The following GCH1 variants were observed in gnomAD, a reference collection of about 807,000 sequenced individuals.
The protein encoded by GCH1 is GTP cyclohydrolase 1, also known as GTP cyclohydrolase I.
In GCH1, 5 loss-of-function variants were observed where a neutral mutation model predicts 25.9. That is an observed-to-expected ratio of 0.19 (90% CI 0.10 to 0.41). GCH1 has a LOEUF of 0.41. Among genes scored for constraint, GCH1 ranks in the 10% least tolerant of loss-of-function variants. GCH1 has a pLI of 1.00. For missense variants in GCH1, 261 were observed against 336.5 expected (o/e 0.78, Z 1.75); for synonymous variants, 159 against 129.6 (o/e 1.23, Z -1.54).
intron 1 of GCH1, among the ~76,000 whole-genome samples, chr14:54,875,557 T>A (rs1433493842): frequency 6.6e-6 from 1 of 151,852 alleles, no homozygotes; most frequent in Admixed American, 6.6e-5. Context: ...TGGGAGAAAA[T>A]TTTTGCAATC....
intron 1 of GCH1, among the ~76,000 whole-genome samples, chr14:54,871,157 A>G (rs2040070481): frequency 6.6e-6 from 1 of 152,194 alleles, no homozygotes; most frequent in African/African-American, 2.4e-5. Flanking sequence ...AAACTTCCAG[A>G]GGAACGATCA....
At chr14:54,874,052 T>C (rs1337851610) in intron 1 of GCH1, among the ~76,000 whole-genome samples, 4 of 152,064 alleles carry the variant, frequency 2.6e-5, no homozygotes, top group African/African-American at 9.7e-5. Context: ...AAAAGAGAAT[T>C]TTAGACCAAT....
chr14:54,849,711 A>G (rs2039696498), intron 3 of GCH1, among the ~76,000 whole-genome samples: 1 of 152,182 alleles, frequency 6.6e-6, no homozygotes, highest in Non-Finnish European at 1.5e-5. Flanking sequence ...TGTTATCTCC[A>G]GGAATTTCAA....
intron 2 of GCH1, among the ~76,000 whole-genome samples, chr14:54,863,636 T>C (rs1480171990): frequency 6.6e-6 from 1 of 151,296 alleles, no homozygotes; most frequent in Non-Finnish European, 1.5e-5. Flanking sequence ...ATGACATCAA[T>C]GAATCCGACT....
Position 54,842,796 on chromosome 14 carries a change from A to G in GCH1, c.*1221T>C, listed in dbSNP as rs572286120. On this transcript the variant is annotated 3_prime_UTR_variant, in exon 6 of 6. Coordinates refer to ENST00000491895, the MANE Select transcript of GCH1 (RefSeq NM_000161.3). ...TTTTAATTTGGCCCACGCTGCCCCA[A>G]TGGAGGAAATTTTAAGATAATCATT... 1.1e-4 allele frequency: 44 copies of G among 404,392 alleles called. No individual in the cohort carries two copies. The highest frequency in any genetic ancestry group is 1.7e-4 in the Non-Finnish European group (39 of 228,708). 25.1% of individuals were successfully genotyped at this position (404,392 alleles called of 1,614,324 possible). A position where few individuals can be genotyped will look rare whatever the true frequency, so the allele number is the denominator to read the frequency against.
At chr14:54,891,013 C>A (rs905610867) in intron 1 of GCH1, among the ~76,000 whole-genome samples, 3 of 152,182 alleles carry the variant, frequency 2.0e-5, no homozygotes, top group Non-Finnish European at 4.4e-5. Context: ...ATCTACAGTT[C>A]CACTTTTCAC....
chr14:54,855,673 G>A (rs999003436), intron 3 of GCH1, among the ~76,000 whole-genome samples: 8 of 151,728 alleles, frequency 5.3e-5, no homozygotes, highest in African/African-American at 9.7e-5. Flanking sequence ...AATTAGCCAG[G>A]CATGGTGGTG....
At chr14:54,877,843 C>T (rs2040185863) in intron 1 of GCH1, among the ~76,000 whole-genome samples, 1 of 152,100 alleles carries the variant, frequency 6.6e-6, no homozygotes, top group Non-Finnish European at 1.5e-5. Context: ...CCCAGACTCC[C>T]GCTGTGGGCC....
intron 3 of GCH1, among the ~76,000 whole-genome samples, chr14:54,854,681 T>C (rs935847829): frequency 2.0e-5 from 3 of 152,090 alleles, no homozygotes; most frequent in African/African-American, 7.2e-5. Flanking sequence ...AAACCAAGAA[T>C]AAAAAGACAA....
chr14:54,891,767 C>A (rs1265153907), intron 1 of GCH1, among the ~76,000 whole-genome samples: 1 of 152,156 alleles, frequency 6.6e-6, no homozygotes, highest in Non-Finnish European at 1.5e-5. Flanking sequence ...AAATCTCCAG[C>A]CCTTCTGCCC....
intron 1 of GCH1, among the ~76,000 whole-genome samples, chr14:54,901,287 A>C (rs951454303): frequency 1.3e-5 from 2 of 152,248 alleles, no homozygotes; most frequent in Admixed American, 6.5e-5. Flanking sequence ...GGGCAAATAA[A>C]TAAATGTCAC....
At chr14:54,863,246 C>A (rs913186033) in intron 2 of GCH1, among the ~76,000 whole-genome samples, 2 of 151,260 alleles carry the variant, frequency 1.3e-5, no homozygotes, top group Non-Finnish European at 2.9e-5. Context: ...CGTGAAACCC[C>A]TTCTCTACTA....
intron 1 of GCH1, among the ~76,000 whole-genome samples, chr14:54,894,910 G>C (rs574384455): frequency 5.6e-4 from 86 of 152,274 alleles, no homozygotes; most frequent in Non-Finnish European, 1.2e-3. Context: ...ATGATGAGAA[G>C]AGCATTTCTA....
chr14:54,896,301 C>T (rs1434174100), intron 1 of GCH1, among the ~76,000 whole-genome samples: 2 of 152,034 alleles, frequency 1.3e-5, no homozygotes, highest in African/African-American at 2.4e-5. Context: ...TGTGCAGAAG[C>T]GTTTATGGAC....
intron 1 of GCH1, among the ~76,000 whole-genome samples, chr14:54,865,761 G>A (rs1282634452): frequency 6.6e-6 from 1 of 152,034 alleles, no homozygotes; most frequent in Non-Finnish European, 1.5e-5. Flanking sequence ...GTAGAAATGG[G>A]CCACTTTCAC....
rs564818912 is a variant in GCH1, at chr14:54,875,971, A to T, written c.344-10535T>A. On this transcript the variant is annotated intron_variant, in intron 1 of 5. Coordinates refer to ENST00000491895, the MANE Select transcript of GCH1 (RefSeq NM_000161.3). ...TCAGGGATCTAGAACTAGAAATACC[A>T]TTTGACCCAGCCATCCCATTATTGG... 1.5e-3 allele frequency among the ~76,000 whole-genome samples: 223 copies of T among 152,326 alleles called. 3 individuals are homozygous for T. The highest frequency in any genetic ancestry group is 2.2e-3 in the Non-Finnish European group (150 of 68,026).
rs1164264674 is a variant in GCH1, at chr14:54,880,833, TATATATATATACTCC to T, written c.344-15412_344-15398del. ...TCCATATATATATATATATACTCCA[TATATATATATACTCC>T]ATATATATATACTCCATAATATATG... is the stretch of plus-strand genomic sequence containing the variant. On this transcript the variant is annotated intron_variant, in intron 1 of 5. Coordinates refer to ENST00000491895, the MANE Select transcript of GCH1 (RefSeq NM_000161.3). Among the ~76,000 whole-genome samples, 8 of 98,954 alleles carry T rather than the reference TATATATATATACTCC, an allele frequency of 8.1e-5. 2 individuals are homozygous for T. Among genetic ancestry groups the T allele is most frequent in the African/African-American group, 2.8e-4 (5 of 17,786 alleles). 64.9% of individuals were successfully genotyped at this position (98,954 alleles called of 152,430 possible).
rs528846051 is a variant in GCH1 at position 54,842,049 on chromosome 14, C to A, written c.*1968G>T. ...CAATAGTTTAATAATTTAAATAGGACCACCTTCAGGAACATACATACTCAT... is the reference window on the plus strand; with the variant it reads ...CAATAGTTTAATAATTTAAATAGGAACACCTTCAGGAACATACATACTCAT... On this transcript the variant is annotated 3_prime_UTR_variant, in exon 6 of 6. Coordinates refer to ENST00000491895, the MANE Select transcript of GCH1 (RefSeq NM_000161.3). 1.3e-5 allele frequency: 2 copies of A among 152,120 alleles called. No homozygotes were observed. The highest frequency in any genetic ancestry group is 4.8e-5 in the African/African-American group (2 of 41,424). 9.4% of individuals were successfully genotyped at this position (152,120 alleles called of 1,614,324 possible).
intron 1 of GCH1, among the ~76,000 whole-genome samples, chr14:54,891,135 C>T (rs1294051279): frequency 6.6e-6 from 1 of 152,184 alleles, no homozygotes; most frequent in African/African-American, 2.4e-5. Context: ...CAGAGTCCCA[C>T]TCTGTCATCC....
Sources: gnomAD v4.1 joint callset for allele counts (sites outside exome capture counted in the v4.1 genomes callset) on GRCh38, gnomAD v4.1.1 for gene constraint, MANE v1.5 for transcripts, NCBI Gene and HGNC (gene_info 2026-07-23, HGNC 2026-07-21) for gene names.